The following KCNIP4 variants were observed in gnomAD, a reference collection of about 807,000 sequenced individuals.
The protein encoded by KCNIP4 is potassium voltage-gated channel interacting protein 4, also known as Kv channel-interacting protein 4.
In KCNIP4, 12 loss-of-function variants were observed where a neutral mutation model predicts 34.0. That is an observed-to-expected ratio of 0.35 (90% CI 0.23 to 0.57). The LOEUF is 0.57. KCNIP4 is among the 20% of genes least tolerant of loss of function. KCNIP4 has a pLI of 0.83. For synonymous variants in KCNIP4, 124 were observed against 102.2 expected (o/e 1.21, Z -1.29); for missense variants, 238 against 311.7 (o/e 0.76, Z 1.78).
chr4:21,444,103 T>A (rs1727742707), intron 1 of KCNIP4, among the ~76,000 whole-genome samples: 1 of 151,982 alleles, frequency 6.6e-6, no homozygotes, highest in African/African-American at 2.4e-5. Flanking sequence ...AATAGACCAA[T>A]AACAGGCTCT....
intron 1 of KCNIP4, among the ~76,000 whole-genome samples, chr4:21,272,303 T>C (rs1762200746): frequency 6.6e-6 from 1 of 152,094 alleles, no homozygotes; most frequent in Non-Finnish European, 1.5e-5. Context: ...ACAAATGCTA[T>C]ATTAGAGTTG....
At chr4:21,823,613 A>T (rs1448519018) in intron 1 of KCNIP4, among the ~76,000 whole-genome samples, 1 of 152,100 alleles carries the variant, frequency 6.6e-6, no homozygotes, top group African/African-American at 2.4e-5. Flanking sequence ...AAATACACTA[A>T]ATCAGAATAG....
chr4:21,859,039 A>G (rs964655459), intron 1 of KCNIP4, among the ~76,000 whole-genome samples: 2 of 152,238 alleles, frequency 1.3e-5, no homozygotes, highest in African/African-American at 4.8e-5. Flanking sequence ...AATCAGACAC[A>G]AGGAAGATCC....
chr4:21,448,775 A>T (rs1316255113), intron 1 of KCNIP4, among the ~76,000 whole-genome samples: 2 of 152,144 alleles, frequency 1.3e-5, no homozygotes, highest in Non-Finnish European at 2.9e-5. Context: ...CAACTGTCTC[A>T]GCATAAGTCA....
intron 1 of KCNIP4, among the ~76,000 whole-genome samples, chr4:20,908,205 T>G (rs1369290630): frequency 6.6e-6 from 1 of 151,824 alleles, no homozygotes; most frequent in Admixed American, 6.6e-5. Context: ...GTTCAAGCGA[T>G]TCTCCTGCCT....
intron 1 of KCNIP4, among the ~76,000 whole-genome samples, chr4:21,898,695 G>A (rs1345492808): frequency 6.6e-6 from 1 of 152,112 alleles, no homozygotes; most frequent in Non-Finnish European, 1.5e-5. Flanking sequence ...CAAACTTCAG[G>A]TGTGACCCAG....
chr4:20,784,174 T>C (rs1311347564), intron 3 of KCNIP4, among the ~76,000 whole-genome samples: 1 of 152,220 alleles, frequency 6.6e-6, no homozygotes, highest in Non-Finnish European at 1.5e-5. Context: ...CTAATTCCTA[T>C]CTAGCTTGCT....
At position 20,780,993 on chromosome 4, in the gene KCNIP4, A is replaced by T. The variant is rs116778516; in HGVS notation, c.289-22103T>A. The stretch of plus-strand genomic sequence containing the variant: ...CAATGTAGCCTCGTAGTTTCTCTGG[A>T]TGGTATTTCAGTGCTTTGGGAGATA... On this transcript the variant is annotated intron_variant, in intron 3 of 8. Coordinates refer to ENST00000382152, the MANE Select transcript of KCNIP4 (RefSeq NM_025221.6). 1.1e-3 allele frequency among the ~76,000 whole-genome samples: 164 copies of T among 152,278 alleles called. 2 individuals are homozygous for T. Among genetic ancestry groups the T allele is most frequent in the Admixed American group, 1.6e-3 (24 of 15,294 alleles).
intron 1 of KCNIP4, among the ~76,000 whole-genome samples, chr4:21,790,396 G>A (rs536223406): frequency 6.6e-6 from 1 of 152,194 alleles, no homozygotes; most frequent in East Asian, 1.9e-4. Flanking sequence ...CTTGTGTTTA[G>A]AGTATGTTAC....
At chr4:20,737,523 A>C (rs1290991565) in intron 5 of KCNIP4, among the ~76,000 whole-genome samples, 2 of 149,164 alleles carry the variant, frequency 1.3e-5, no homozygotes. Flanking sequence ...AAGGGAGTTG[A>C]TACATGAGAC....
chr4:21,258,465 T>C (rs1247186262), intron 1 of KCNIP4, among the ~76,000 whole-genome samples: 1 of 152,196 alleles, frequency 6.6e-6, no homozygotes, highest in Non-Finnish European at 1.5e-5. Flanking sequence ...ACTTCCAAGC[T>C]CTACCCATAT....
intron 1 of KCNIP4, among the ~76,000 whole-genome samples, chr4:21,606,413 G>A (rs960286787): frequency 2.0e-5 from 3 of 152,086 alleles, no homozygotes; most frequent in African/African-American, 4.8e-5. Context: ...CTGCTGTACC[G>A]AATTACCACA....
At chr4:21,092,332 G>A (rs1455180385) in intron 1 of KCNIP4, among the ~76,000 whole-genome samples, 1 of 151,566 alleles carries the variant, frequency 6.6e-6, no homozygotes, top group East Asian at 1.9e-4. Context: ...ATTAAAGAAC[G>A]AATGTCTCTA....
chr4:20,804,397 A>G (rs979375191), intron 3 of KCNIP4, among the ~76,000 whole-genome samples: 3 of 152,140 alleles, frequency 2.0e-5, no homozygotes, highest in Non-Finnish European at 4.4e-5. Context: ...TTTAGCATAC[A>G]GTAGACATTG....
chr4:21,132,067 A>G (rs1469496713), intron 1 of KCNIP4, among the ~76,000 whole-genome samples: 1 of 152,212 alleles, frequency 6.6e-6, no homozygotes, highest in Non-Finnish European at 1.5e-5. Flanking sequence ...CTGTCCTGAC[A>G]GATGTTTACT....
intron 1 of KCNIP4, among the ~76,000 whole-genome samples, chr4:20,899,544 T>C (rs1439646386): frequency 6.6e-6 from 1 of 152,210 alleles, no homozygotes; most frequent in Non-Finnish European, 1.5e-5. Context: ...AAATATTGCC[T>C]AAGAGGATTC....
At chr4:21,768,088 A>G (rs1261104001) in intron 1 of KCNIP4, among the ~76,000 whole-genome samples, 2 of 152,098 alleles carry the variant, frequency 1.3e-5, no homozygotes, top group South Asian at 2.1e-4. Flanking sequence ...TACACCACCA[A>G]CTAGTGCCGA....
chr4:21,297,251 T>C (rs1763896120), intron 1 of KCNIP4, among the ~76,000 whole-genome samples: 1 of 152,012 alleles, frequency 6.6e-6, no homozygotes, highest in Non-Finnish European at 1.5e-5. Flanking sequence ...CAAAAATTCA[T>C]CTGTGGGGTA....
intron 1 of KCNIP4, among the ~76,000 whole-genome samples, chr4:21,234,398 A>G (rs1403549118): frequency 3.3e-5 from 4 of 120,302 alleles, no homozygotes; most frequent in Non-Finnish European, 5.0e-5. Flanking sequence ...AACATATATA[A>G]TATATTATAT....
Sources: allele counts gnomAD v4.1 joint callset (sites outside exome capture counted in the v4.1 genomes callset), GRCh38; gene constraint gnomAD v4.1.1; transcripts MANE v1.5; gene names NCBI Gene and HGNC (gene_info 2026-07-23, HGNC 2026-07-21).